Variants in CNTNAP2 observed in about 807,000 individuals in gnomAD.
The protein encoded by CNTNAP2 is contactin-associated protein-like 2.
A neutral mutation model predicts 155.2 loss-of-function variants in CNTNAP2; 98 were observed. That is an observed-to-expected ratio of 0.63 (90% CI 0.54 to 0.75). The LOEUF (loss-of-function observed/expected upper bound fraction) is 0.75. CNTNAP2 is among the 30% of genes least tolerant of loss of function. The pLI is 0.00. For synonymous variants in CNTNAP2, 651 were observed against 631.2 expected (o/e 1.03, Z -0.47); for missense variants, 1,727 against 1,688.1 (o/e 1.02, Z -0.40).
intron 13 of CNTNAP2, among the ~76,000 whole-genome samples, chr7:147,730,379 T>G (rs974265180): frequency 2.0e-5 from 3 of 152,128 alleles, no homozygotes; most frequent in African/African-American, 7.2e-5. Flanking sequence ...ATTTGCTCAC[T>G]TCATACCTCA....
intron 9 of CNTNAP2, among the ~76,000 whole-genome samples, chr7:147,317,776 A>ATATATGTG (rs1405297462): frequency 1.5e-4 from 20 of 134,312 alleles, no homozygotes; most frequent in South Asian, 4.5e-4. Context: ...ATATATATAT[A>ATATATGTG]TGTGTGTGTG....
chr7:148,109,575 G>C (rs1585130297), intron 15 of CNTNAP2, among the ~76,000 whole-genome samples: 1 of 152,124 alleles, frequency 6.6e-6, no homozygotes, highest in South Asian at 2.1e-4. Flanking sequence ...GTAGAGACAG[G>C]GTTTCTCCAT....
At chr7:148,216,539 CT>C (rs1795641371) in intron 18 of CNTNAP2, among the ~76,000 whole-genome samples, 1 of 152,176 alleles carries the variant, frequency 6.6e-6, no homozygotes, top group African/African-American at 2.4e-5. Flanking sequence ...GAGGATGCCC[CT>C]ATGGGTTCCC....
At chr7:146,162,407 T>A (rs1206891278) in intron 1 of CNTNAP2, among the ~76,000 whole-genome samples, 1 of 152,058 alleles carries the variant, frequency 6.6e-6, no homozygotes, top group African/African-American at 2.4e-5. Context: ...CATGAAAAAA[T>A]GCTCATCATC....
intron 13 of CNTNAP2, among the ~76,000 whole-genome samples, chr7:147,841,253 T>C (rs1472146547): frequency 6.6e-6 from 1 of 152,184 alleles, no homozygotes; most frequent in Non-Finnish European, 1.5e-5. Flanking sequence ...AAGTTGTATG[T>C]GTGGATATTT....
chr7:146,281,060 T>C lies in CNTNAP2; in HGVS notation c.97+164087T>C, dbSNP rs138813938. On this transcript the variant is annotated intron_variant, in intron 1 of 23. Coordinates refer to ENST00000361727, the MANE Select transcript of CNTNAP2 (RefSeq NM_014141.6). ...AGGATGAGGGTTGACCTACAAGAAT[T>C]ACAGAGAGAAGGAGGCAGAATTCTA... is the stretch of plus-strand genomic sequence containing the variant. Among the ~76,000 whole-genome samples, 210 of 152,190 alleles carry C rather than the reference T, an allele frequency of 1.4e-3. 1 individual carries two copies. The highest frequency in any genetic ancestry group is 4.7e-3 in the African/African-American group (196 of 41,530).
chr7:147,970,307 A>T (rs1401851192), intron 14 of CNTNAP2, among the ~76,000 whole-genome samples: 1 of 152,246 alleles, frequency 6.6e-6, no homozygotes, highest in Non-Finnish European at 1.5e-5. Flanking sequence ...AGTGTAAGCC[A>T]TTAGTAAAAT....
chr7:147,021,067 T>C (rs1250396460), intron 3 of CNTNAP2, among the ~76,000 whole-genome samples: 1 of 152,120 alleles, frequency 6.6e-6, no homozygotes, highest in African/African-American at 2.4e-5. Flanking sequence ...TCACGCAAGT[T>C]CAATGAGCAT....
intron 3 of CNTNAP2, among the ~76,000 whole-genome samples, chr7:146,971,877 AT>A (rs1485609908): frequency 3.4e-4 from 52 of 152,298 alleles, no homozygotes; most frequent in Middle Eastern, 3.4e-3. Context: ...AATAAAGAGT[AT>A]ATTTATTGCT....
At chr7:147,085,924 C>T (rs529281788) in intron 4 of CNTNAP2, 10 of 152,272 alleles carry the variant, frequency 6.6e-5, no homozygotes, top group South Asian at 2.1e-4. Context: ...GACACGCACA[C>T]GAAAGCTCTG....
At chr7:147,254,744 C>G (rs1035628692) in intron 8 of CNTNAP2, among the ~76,000 whole-genome samples, 2 of 152,120 alleles carry the variant, frequency 1.3e-5, no homozygotes, top group African/African-American at 4.8e-5. Context: ...ATCTTAGAAT[C>G]TGAGGAATGA....
intron 15 of CNTNAP2, among the ~76,000 whole-genome samples, chr7:148,104,401 T>C (rs1804166788): frequency 6.6e-6 from 1 of 152,210 alleles, no homozygotes; most frequent in African/African-American, 2.4e-5. Context: ...ACTCACCTGA[T>C]GGATTTGATA....
At chr7:148,174,028 T>C (rs1358167586) in intron 18 of CNTNAP2, among the ~76,000 whole-genome samples, 1 of 152,244 alleles carries the variant, frequency 6.6e-6, no homozygotes, top group East Asian at 1.9e-4. Flanking sequence ...TTAGGCCACA[T>C]TGCAGATAAA....
At chr7:146,156,995 G>A (rs1798136761) in intron 1 of CNTNAP2, among the ~76,000 whole-genome samples, 1 of 152,180 alleles carries the variant, frequency 6.6e-6, no homozygotes, top group East Asian at 1.9e-4. Flanking sequence ...AGGAAATTCA[G>A]GCACAGACAG....
chr7:147,335,411 T>G (rs1795647570), intron 9 of CNTNAP2, among the ~76,000 whole-genome samples: 1 of 152,166 alleles, frequency 6.6e-6, no homozygotes, highest in Admixed American at 6.6e-5. Context: ...ATAATTAACT[T>G]ATTTCATTTT....
At chr7:146,922,138 C>T (rs1563003166) in intron 3 of CNTNAP2, among the ~76,000 whole-genome samples, 1 of 151,568 alleles carries the variant, frequency 6.6e-6, no homozygotes, top group Non-Finnish European at 1.5e-5. Context: ...AAATCATACA[C>T]ATATATATAT....
chr7:146,135,548 G>C (rs1797785107), intron 1 of CNTNAP2, among the ~76,000 whole-genome samples: 1 of 152,054 alleles, frequency 6.6e-6, no homozygotes, highest in African/African-American at 2.4e-5. Context: ...ATTTGGAATA[G>C]AGTTTCCAGG....
chr7:147,922,258 C>A (rs1161469136), intron 14 of CNTNAP2, among the ~76,000 whole-genome samples: 1 of 152,184 alleles, frequency 6.6e-6, no homozygotes, highest in Non-Finnish European at 1.5e-5. Flanking sequence ...TTGTTAAGAG[C>A]AGCCCTCACA....
intron 3 of CNTNAP2, among the ~76,000 whole-genome samples, chr7:146,916,321 T>C (rs2129218636): frequency 6.6e-6 from 1 of 152,274 alleles, no homozygotes; most frequent in Non-Finnish European, 1.5e-5. Flanking sequence ...ATTAGAGTGA[T>C]ACTGGATTCA....
Sources: gnomAD v4.1 joint callset for allele counts (sites outside exome capture counted in the v4.1 genomes callset) on GRCh38, gnomAD v4.1.1 for gene constraint, MANE v1.5 for transcripts, NCBI Gene and HGNC (gene_info 2026-07-23, HGNC 2026-07-21) for gene names.